CCDC60: variants seen among roughly 807,000 people sequenced by gnomAD.
The protein encoded by CCDC60 is coiled-coil domain-containing protein 60.
A neutral mutation model predicts 63.5 loss-of-function variants in CCDC60; 54 were observed. The ratio of observed to expected loss-of-function variants is 0.85; its 90% CI spans 0.68 to 1.07. The LOEUF is 1.07. Among genes scored for constraint, CCDC60 ranks in the 50% least tolerant of loss-of-function variants. The pLI is 0.00. For synonymous variants in CCDC60, 206 were observed against 238.8 expected (o/e 0.86, Z 1.27); for missense variants, 651 against 684.3 (o/e 0.95, Z 0.54).
rs902388161 is a variant in CCDC60, at chr12:119,520,033, A to G, written c.969-88A>G. On this transcript the variant is annotated intron_variant, in intron 8 of 13. Coordinates refer to ENST00000327554, the MANE Select transcript of CCDC60 (RefSeq NM_178499.5). ...GAGTCTGAAGATTCTTGCTCTAGAA[A>G]GAGAATTCCCCCTCCTCCCACATGT... 8.1e-6 allele frequency: 9 copies of G among 1,106,724 alleles called. No individual in the cohort carries two copies. In the Admixed American group the frequency reaches 1.1e-4, roughly 14 times the overall value. 68.6% of individuals were successfully genotyped at this position (1,106,724 alleles called of 1,614,324 possible).
chr12:119,520,809 G>A (rs139300422), intron 9 of CCDC60, among the ~76,000 whole-genome samples: 21 of 152,190 alleles, frequency 1.4e-4, no homozygotes, highest in African/African-American at 4.6e-4. Context: ...TCTAAATACT[G>A]GAATTACAGG....
intron 1 of CCDC60, among the ~76,000 whole-genome samples, chr12:119,352,305 A>G (rs1490743223): frequency 1.3e-5 from 2 of 152,212 alleles, no homozygotes; most frequent in Admixed American, 6.5e-5. Context: ...GAATGGGGAC[A>G]TGGGTCCAAA....
chr12:119,460,671 C>A lies in CCDC60; in HGVS notation c.171-11323C>A, dbSNP rs74555945. On this transcript the variant is annotated intron_variant, in intron 2 of 13. Transcript: ENST00000327554. Reference sequence around the variant, plus strand: ...CCGTTGTGGATTTTGTTCACACGGACCCAGCTGAGAAAGCTCATTTTATGT... The same window carrying A: ...CCGTTGTGGATTTTGTTCACACGGAACCAGCTGAGAAAGCTCATTTTATGT... Among the ~76,000 whole-genome samples the A allele has an allele frequency of 5.5e-3, 833 of 152,280 alleles. 9 individuals are homozygous for A. Among genetic ancestry groups the A allele is most frequent in the African/African-American group, 0.02 (812 of 41,564 alleles).
intron 1 of CCDC60, among the ~76,000 whole-genome samples, chr12:119,343,944 C>T (rs1009527605): frequency 6.6e-6 from 1 of 152,106 alleles, no homozygotes; most frequent in African/African-American, 2.4e-5. Context: ...TCTTTTCATA[C>T]TCTCCTTCTC....
intron 4 of CCDC60, among the ~76,000 whole-genome samples, chr12:119,482,189 C>T (rs1333949192): frequency 6.7e-6 from 1 of 148,926 alleles, no homozygotes; most frequent in Non-Finnish European, 1.5e-5. Context: ...TATATATATG[C>T]CACAGCTTCT....
intron 1 of CCDC60, among the ~76,000 whole-genome samples, chr12:119,342,550 T>C (rs935504740): frequency 1.3e-5 from 2 of 152,124 alleles, no homozygotes; most frequent in African/African-American, 4.8e-5. Flanking sequence ...AAAGGAGTCA[T>C]CCCTATCCCC....
chr12:119,504,930 C>G (rs774836603), intron 6 of CCDC60, 139 bp from the exon 7 acceptor site: 11 of 613,032 alleles, frequency 1.8e-5, no homozygotes, highest in Non-Finnish European at 2.6e-5. Context: ...TTGGAAAGAG[C>G]CAGAAGGAAT....
chr12:119,371,827 G>T (rs1324396947), intron 1 of CCDC60, among the ~76,000 whole-genome samples: 9 of 152,162 alleles, frequency 5.9e-5, no homozygotes, highest in African/African-American at 2.2e-4. Flanking sequence ...TCTGGGAAGA[G>T]CCCATCCACT....
chr12:119,538,408 C>T lies in CCDC60; in HGVS notation c.1552-2206C>T, dbSNP rs149486230. On this transcript the variant is annotated intron_variant, in intron 13 of 13. Coordinates refer to ENST00000327554, the MANE Select transcript of CCDC60 (RefSeq NM_178499.5). ...ATACCCTGCCCTGTTTCGGCTTGCC[C>T]TCCATGGGCTGCACCCACTTTCCAA... Among the ~76,000 whole-genome samples the T allele has an allele frequency of 4.2e-3, 636 of 152,348 alleles. 4 individuals are homozygous for T. Among genetic ancestry groups the T allele is most frequent in the Non-Finnish European group, 7.0e-3 (476 of 68,036 alleles).
intron 6 of CCDC60, among the ~76,000 whole-genome samples, chr12:119,501,025 A>C (rs1951838471): frequency 6.6e-6 from 1 of 152,200 alleles, no homozygotes; most frequent in African/African-American, 2.4e-5. Context: ...TAATAATCAT[A>C]ATAATAATAA....
intron 1 of CCDC60, among the ~76,000 whole-genome samples, chr12:119,378,487 C>G (rs971705168): frequency 6.6e-6 from 1 of 152,200 alleles, no homozygotes; most frequent in African/African-American, 2.4e-5. Context: ...TGTATCAGCA[C>G]TAAACCAAGA....
At chr12:119,450,224 T>C (rs1378383296) in intron 2 of CCDC60, among the ~76,000 whole-genome samples, 4 of 118,952 alleles carry the variant, frequency 3.4e-5, no homozygotes, top group Non-Finnish European at 4.7e-5. Context: ...CACATGTACA[T>C]AGAGAGCAGA....
At chr12:119,359,580 GA>G (rs1400588351) in intron 1 of CCDC60, among the ~76,000 whole-genome samples, 1 of 149,960 alleles carries the variant, frequency 6.7e-6, no homozygotes, top group African/African-American at 2.5e-5. Context: ...GTTTCTCACA[GA>G]GGGGGATTTG....
At chr12:119,488,294 A>G (rs2136374014) in intron 4 of CCDC60, among the ~76,000 whole-genome samples, 1 of 152,270 alleles carries the variant, frequency 6.6e-6, no homozygotes, top group East Asian at 1.9e-4. Flanking sequence ...GAGTTTCCAG[A>G]CTTTTTACAC....
chr12:119,348,361 C>A (rs956072456), intron 1 of CCDC60, among the ~76,000 whole-genome samples: 1 of 152,200 alleles, frequency 6.6e-6, no homozygotes, highest in Non-Finnish European at 1.5e-5. Flanking sequence ...CCTGCCCCAA[C>A]CAACAAACAG....
intron 4 of CCDC60, among the ~76,000 whole-genome samples, chr12:119,480,536 T>C (rs1951280458): frequency 6.6e-6 from 1 of 152,160 alleles, no homozygotes; most frequent in South Asian, 2.1e-4. Context: ...AGTTCATGAA[T>C]GGAAGATGCA....
chr12:119,345,199 C>T (rs1282624883), intron 1 of CCDC60, among the ~76,000 whole-genome samples: 1 of 152,106 alleles, frequency 6.6e-6, no homozygotes, highest in Non-Finnish European at 1.5e-5. Context: ...GCCAAACCAA[C>T]CCTGCTTAAG....
chr12:119,386,239 C>T (rs1344660954), intron 1 of CCDC60, among the ~76,000 whole-genome samples: 4 of 152,148 alleles, frequency 2.6e-5, no homozygotes, highest in Non-Finnish European at 5.9e-5. Flanking sequence ...TGTCCATGTT[C>T]AGCAGTCCTC....
chr12:119,528,514 A>G, intron 11 of CCDC60, 101 bp from the exon 12 acceptor site: 2 of 1,337,498 alleles, frequency 1.5e-6, no homozygotes, highest in Non-Finnish European at 1.0e-6. Context: ...GAAAAGCCTC[A>G]TGAAGGAAAA....
Sources: allele counts gnomAD v4.1 joint callset (sites outside exome capture counted in the v4.1 genomes callset), GRCh38; gene constraint gnomAD v4.1.1; transcripts MANE v1.5; gene names NCBI Gene and HGNC (gene_info 2026-07-23, HGNC 2026-07-21).